Variants in CLTRN observed in about 807,000 individuals in gnomAD.
CLTRN encodes collectrin, amino acid transport regulator, also known as collectrin.
In CLTRN, 12 loss-of-function variants were observed where a neutral mutation model predicts 14.5. The ratio of observed to expected loss-of-function variants is 0.83; its 90% CI spans 0.53 to 1.34. The LOEUF is 1.34. Ranked by LOEUF, CLTRN falls within the 40% of genes most tolerant of loss-of-function variation. The pLI, the probability that CLTRN is intolerant of heterozygous loss-of-function variation, is 0.00. For missense variants in CLTRN, 154 were observed against 165.1 expected, an observed-to-expected ratio of 0.93 and a Z score of 0.37; for synonymous variants, 58 against 56.5, an observed-to-expected ratio of 1.03 and a Z score of -0.12.
intron 5 of CLTRN, among the ~76,000 whole-genome samples, chrX:15,631,563 G>A (rs1928695472): frequency 3.6e-5 from 4 of 112,339 alleles, no homozygotes; most frequent in South Asian, 3.6e-4. Context: ...CAGGCATCAC[G>A]AAAGAATGGG....
chrX:15,648,805 G>A (rs1929151029), intron 3 of CLTRN, among the ~76,000 whole-genome samples: 1 of 91,818 alleles, frequency 1.1e-5, no homozygotes, highest in Admixed American at 1.3e-4. Flanking sequence ...ACAAGACTCC[G>A]TCTCAAAAAA....
intron 2 of CLTRN, among the ~76,000 whole-genome samples, chrX:15,663,745 A>G (rs1929561085): frequency 8.9e-6 from 1 of 112,646 alleles, no homozygotes; most frequent in South Asian, 3.6e-4. Flanking sequence ...TAGGAAACTG[A>G]AACTAGAATT....
At chrX:15,639,814 A>G in intron 4 of CLTRN, 58 bp from the exon 5 acceptor site, 1 of 996,621 alleles carries the variant, frequency 1.0e-6, no homozygotes, top group South Asian at 2.3e-5. Context: ...AACTATTAAG[A>G]CAAAGTACAA....
Position 15,628,139 on chromosome X carries a change from T to A in CLTRN, c.513-12A>T. The A allele has an allele frequency of 9.6e-7, 1 of 1,041,203 alleles. No homozygotes were observed. The highest frequency in any genetic ancestry group is 1.2e-6 in the Non-Finnish European group (1 of 801,606). The allele number at this position is 1,041,203 out of a possible 1,213,427, so 85.8% of individuals were successfully genotyped here. A position where few individuals can be genotyped will look rare whatever the true frequency, so the allele number is the denominator to read the frequency against. The stretch of plus-strand genomic sequence containing the variant: ...GTTCTTTGTTCTTTCTAAAAGCACA[T>A]AAAAAAGAGTGATTGGCATCTAGAA... On this transcript the variant is annotated splice_polypyrimidine_tract_variant and intron_variant, in intron 5 of 5. Coordinates refer to ENST00000380342, the MANE Select transcript of CLTRN (RefSeq NM_020665.6).
rs1293850209 is a variant in CLTRN, at chrX:15,657,621, G to A, written c.203+1395C>T. 6.8e-5 allele frequency among the ~76,000 whole-genome samples: 5 copies of A among 73,336 alleles called. No individual in the cohort carries two copies. The East Asian group carries it at 4.2e-3, about 61-fold the overall frequency. 63.7% of individuals were successfully genotyped at this position (73,336 alleles called of 115,157 possible). ...AGGTTACCATTGTGAGATAACCAGT[G>A]GCTTTTCTTCTTATTTTTTTTTTCC... On this transcript the variant is annotated intron_variant, in intron 3 of 5. Coordinates refer to ENST00000380342, the MANE Select transcript of CLTRN (RefSeq NM_020665.6).
intron 3 of CLTRN, among the ~76,000 whole-genome samples, chrX:15,648,472 C>T (rs764370784): frequency 9.0e-6 from 1 of 110,830 alleles, no homozygotes; most frequent in East Asian, 2.8e-4. Flanking sequence ...AAAATCACCC[C>T]CCTGGTGGCA....
Position 15,659,032 on chromosome X carries a change from T to C in CLTRN, c.187A>G (p.Asn63Asp), listed in dbSNP as rs1447958928. 8.6e-7 allele frequency: 1 copy of C among 1,164,576 alleles called. No homozygotes were observed. Among genetic ancestry groups the C allele is most frequent in the Non-Finnish European group, 1.2e-6 (1 of 857,996 alleles). Reference sequence around the variant, plus strand: ...TTTGCTTACTCTGTTGCTTCTCTGTTGGGAACTTTTCTCATGGAGAAAGCT... The same window carrying C: ...TTTGCTTACTCTGTTGCTTCTCTGTCGGGAACTTTTCTCATGGAGAAAGCT... ...MVAFSMRKVP[N>D]REATEISHVL... Residue 63 changes from asparagine (N) to aspartate (D), a missense_variant, in exon 3 of 6, where the codon AAC becomes GAC. Asn to Asp is a conservative substitution (Grantham distance 23). Transcript: ENST00000380342.
intron 3 of CLTRN, among the ~76,000 whole-genome samples, chrX:15,655,458 C>CG (rs1929331947): frequency 8.9e-6 from 1 of 112,022 alleles, no homozygotes; most frequent in Non-Finnish European, 1.9e-5. Context: ...CTCGGCTCTG[C>CG]CTCCGGGGTG....
intron 3 of CLTRN, among the ~76,000 whole-genome samples, chrX:15,648,171 C>T (rs918187778): frequency 1.0e-4 from 11 of 108,844 alleles, no homozygotes; most frequent in South Asian, 4.0e-4. Flanking sequence ...TTGCGGCACT[C>T]GTCACCATAG....
At chrX:15,648,776 A>G (rs1228993154) in intron 3 of CLTRN, among the ~76,000 whole-genome samples, 2 of 108,743 alleles carry the variant, frequency 1.8e-5, no homozygotes, top group Non-Finnish European at 3.8e-5. Context: ...GCGCCACTGC[A>G]CTGCAGCCTG....
At chrX:15,656,883 G>T (rs1024107312) in intron 3 of CLTRN, among the ~76,000 whole-genome samples, 1 of 110,918 alleles carries the variant, frequency 9.0e-6, no homozygotes, top group African/African-American at 3.3e-5. Context: ...TTGCAGTTTT[G>T]ATTTTTACAA....
upstream of CLTRN, chrX:15,665,103 A>G (rs1200470642): frequency 9.3e-6 from 2 of 214,994 alleles, no homozygotes; most frequent in Admixed American, 6.8e-5. Context: ...TACGTGTATG[A>G]TGGGAAGAAT....
chrX:15,671,105 A>G (rs767248841), intron 1 of CLTRN, among the ~76,000 whole-genome samples: 2 of 111,771 alleles, frequency 1.8e-5, no homozygotes, highest in East Asian at 5.6e-4. Flanking sequence ...AAAATGAACC[A>G]AATATAGTCT....
chrX:15,655,845 C>A (rs917965480), intron 3 of CLTRN, among the ~76,000 whole-genome samples: 1 of 112,220 alleles, frequency 8.9e-6, no homozygotes, highest in Non-Finnish European at 1.9e-5. Flanking sequence ...AGTCTCCTTT[C>A]TTAAAGACAA....
chrX:15,663,584 T>C (rs1201101392), intron 2 of CLTRN, among the ~76,000 whole-genome samples: 1 of 112,045 alleles, frequency 8.9e-6, no homozygotes. Context: ...ATAACAATCA[T>C]TACTCATTGA....
At chrX:15,666,505 C>T, upstream of CLTRN, among the ~76,000 whole-genome samples, 1 of 112,264 alleles carries the variant, frequency 8.9e-6, no homozygotes. Context: ...ATTTTCAAAG[C>T]AACAACGAGG....
chrX:15,641,674 G>GTGTGTA (rs1287016241), intron 4 of CLTRN, among the ~76,000 whole-genome samples: 2 of 109,182 alleles, frequency 1.8e-5, no homozygotes, highest in Non-Finnish European at 3.8e-5. Flanking sequence ...GTGTGTGTGT[G>GTGTGTA]TGTAAACAGG....
chrX:15,628,272 A>G lies in CLTRN; in HGVS notation c.513-145T>C, dbSNP rs902474341. ...AATTTAATGATATTGTGTAATTTTC[A>G]AACGAATTTCAAAGACCATAAAGAG... On this transcript the variant is annotated intron_variant, in intron 5 of 5. Coordinates refer to ENST00000380342, the MANE Select transcript of CLTRN (RefSeq NM_020665.6). The G allele has an allele frequency of 3.5e-5, 14 of 402,989 alleles. No homozygotes were observed. The Admixed American group carries it at 4.3e-4, about 12-fold the overall frequency. The allele number at this position is 402,989 out of a possible 1,213,427, so 33.2% of individuals were successfully genotyped here.
At chrX:15,656,596 C>T (rs1234069199) in intron 3 of CLTRN, among the ~76,000 whole-genome samples, 1 of 110,869 alleles carries the variant, frequency 9.0e-6, no homozygotes, top group African/African-American at 3.3e-5. Context: ...TGGAAGGCGG[C>T]TACTGGTATC....
Sources: allele counts gnomAD v4.1 joint callset (sites outside exome capture counted in the v4.1 genomes callset), GRCh38; gene constraint gnomAD v4.1.1; transcripts MANE v1.5; gene names NCBI Gene and HGNC (gene_info 2026-07-23, HGNC 2026-07-21).